Variants in HDAC5 observed in about 807,000 individuals in gnomAD.
HDAC5 encodes the protein antigen NY-CO-9.
Under a neutral mutation model 133.3 loss-of-function variants are expected in HDAC5, and 25 were observed. The ratio of observed to expected loss-of-function variants is 0.19; its 90% CI spans 0.14 to 0.26. The LOEUF (loss-of-function observed/expected upper bound fraction) is 0.26, where lower values mean the gene tolerates loss of function less well. Among genes scored for constraint, HDAC5 ranks in the 10% least tolerant of loss-of-function variants. The pLI, the probability that HDAC5 is intolerant of heterozygous loss-of-function variation, is 1.00. For missense variants in HDAC5, 1,041 were observed against 1,460.5 expected (o/e 0.71, Z 4.68); for synonymous variants, 589 against 610.8 (o/e 0.96, Z 0.53).
chr17:44,094,858 C>T (rs530283235), intron 3 of HDAC5, among the ~76,000 whole-genome samples: 1 of 152,146 alleles, frequency 6.6e-6, no homozygotes, highest in Non-Finnish European at 1.5e-5. Context: ...GGCTGGAATG[C>T]AATGGCATGA....
intron 11 of HDAC5, among the ~76,000 whole-genome samples, chr17:44,090,780 C>T (rs1193539608): frequency 2.0e-5 from 3 of 152,034 alleles, no homozygotes; most frequent in Non-Finnish European, 4.4e-5. Context: ...AGCTCCGCCT[C>T]CCAGGTTCAC....
At position 44,080,802 on chromosome 17, in the gene HDAC5, G is replaced by T; in HGVS notation, c.2688C>A (p.Asp896Glu). Residue 896 changes from aspartate to glutamate, a missense_variant, in exon 21 of 27, where the codon GAC becomes GAA. Asp to Glu is a conservative substitution (Grantham distance 45). Transcript: ENST00000682912. ...CAGAGCCTGGAAAGAAGTTCCCGTT[G>T]TCATAGCGATGCAGAGAGATGTAGA... is the stretch of plus-strand genomic sequence containing the variant. ...SVLYISLHRY[D>E]NGNFFPGSGA... The T allele has an allele frequency of 6.2e-7, 1 of 1,614,234 alleles. No individual in the cohort carries two copies. Among genetic ancestry groups the T allele is most frequent in the Non-Finnish European group, 8.5e-7 (1 of 1,180,034 alleles).
intron 3 of HDAC5, among the ~76,000 whole-genome samples, chr17:44,096,432 G>A (rs535652418): frequency 2.0e-5 from 3 of 149,088 alleles, no homozygotes; most frequent in South Asian, 4.2e-4. Context: ...TAAGAGGCGA[G>A]AGAGGGAAAA....
chr17:44,084,118 G>A (rs1380989444), intron 16 of HDAC5, among the ~76,000 whole-genome samples: 2 of 149,452 alleles, frequency 1.3e-5, no homozygotes, highest in African/African-American at 5.0e-5. Context: ...GAGCAAGACT[G>A]TCTCAAAAAA....
At chr17:44,103,209 G>A (rs943343973) in intron 3 of HDAC5, among the ~76,000 whole-genome samples, 5 of 152,120 alleles carry the variant, frequency 3.3e-5, no homozygotes, top group African/African-American at 9.7e-5. Context: ...CTGTGACACC[G>A]ATGACCCCTC....
chr17:44,084,833 T>TA lies in HDAC5; in HGVS notation c.2185-159_2185-158insT, dbSNP rs1221372199. ...GCTCTGTCATGACCTTACTCCCGGA[T>TA]CCCCCCCACTCAGCTGGGGACCATG... is the stretch of plus-strand genomic sequence containing the variant. On this transcript the variant is annotated intron_variant, in intron 15 of 26. Coordinates refer to ENST00000682912, the MANE Select transcript of HDAC5 (RefSeq NM_005474.5). Among the ~76,000 whole-genome samples, 4 of 151,322 alleles carry TA rather than the reference T, an allele frequency of 2.6e-5. No individual in the cohort carries two copies. The East Asian group carries it at 7.8e-4, about 29-fold the overall frequency.
At chr17:44,106,330 G>A (rs1003962327) in intron 3 of HDAC5, among the ~76,000 whole-genome samples, 1 of 152,164 alleles carries the variant, frequency 6.6e-6, no homozygotes, top group African/African-American at 2.4e-5. Flanking sequence ...AGTATTTACA[G>A]AAAACAAAGC....
rs2050173100 is a variant in HDAC5 at position 44,077,506 on chromosome 17, A to C, written c.*870T>G. ...GGATGGCTGGGAAAATCTGGTCCTG[A>C]CAGCAGGGGGGCTCTCACCAGCCTG... On this transcript the variant is annotated 3_prime_UTR_variant, in exon 27 of 27. Coordinates refer to ENST00000682912, the MANE Select transcript of HDAC5 (RefSeq NM_005474.5). The C allele has an allele frequency of 6.6e-6, 1 of 152,258 alleles. No individual in the cohort carries two copies. Among genetic ancestry groups the C allele is most frequent in the Non-Finnish European group, 1.5e-5 (1 of 68,102 alleles). 9.4% of individuals were successfully genotyped at this position (152,258 alleles called of 1,614,324 possible).
intron 21 of HDAC5, 43 bp downstream of exon 21, chr17:44,080,720 C>T (rs369783279): frequency 6.2e-7 from 1 of 1,613,566 alleles, no homozygotes; most frequent in Non-Finnish European, 8.5e-7. Context: ...TGCCACCTCC[C>T]AGAGGGGCCA....
At position 44,108,761 on chromosome 17, in the gene HDAC5, ACAAAAAAAAAAC is replaced by A. The variant is rs1304155028; in HGVS notation, c.94+1956_94+1967del. ...TTACATTCCAGAGTCCAAAAAAAAA[ACAAAAAAAAAAC>A]AAAAAAAAAACAAGGCTGCCGAGCT... On this transcript the variant is annotated intron_variant, in intron 3 of 26. Coordinates refer to ENST00000682912, the MANE Select transcript of HDAC5 (RefSeq NM_005474.5). Among the ~76,000 whole-genome samples the A allele has an allele frequency of 2.1e-3, 216 of 103,736 alleles. 5 individuals are homozygous for A. In the East Asian group the frequency reaches 0.057, roughly 28 times the overall value. 68.1% of individuals were successfully genotyped at this position (103,736 alleles called of 152,430 possible).
At chr17:44,078,688 G>A in intron 25 of HDAC5, 23 bp from the exon 26 acceptor site, 2 of 1,605,376 alleles carry the variant, frequency 1.2e-6, no homozygotes, top group Non-Finnish European at 1.7e-6. Context: ...GACAGGCAAG[G>A]GGTCAGGGAG....
intron 2 of HDAC5, among the ~76,000 whole-genome samples, chr17:44,116,711 T>C (rs2052669254): frequency 6.6e-6 from 1 of 152,002 alleles, no homozygotes; most frequent in Non-Finnish European, 1.5e-5. Flanking sequence ...AGGACCCTCC[T>C]GGGAAACTGC....
In HDAC5 at chr17:44,083,868, G is replaced by GAAT. The variant is rs1223942591; in HGVS notation, c.2306-17_2306-15dup. ...GGCTGATGGGGCCTGCATGGAAGAG[G>GAAT]AATAGAGCTACTCTAGAAGTGGCCT... On this transcript the variant is annotated splice_polypyrimidine_tract_variant and intron_variant, in intron 16 of 26. Coordinates refer to ENST00000682912, the MANE Select transcript of HDAC5 (RefSeq NM_005474.5). 1.2e-6 allele frequency: 2 copies of GAAT among 1,613,162 alleles called. No individual in the cohort carries two copies. The highest frequency in any genetic ancestry group is 1.7e-5 in the Admixed American group (1 of 59,988).
At chr17:44,084,781 C>A in intron 15 of HDAC5, 106 bp from the exon 16 acceptor site, 2 of 1,435,502 alleles carry the variant, frequency 1.4e-6, no homozygotes, top group South Asian at 1.3e-5. Context: ...CTCAGGAGAT[C>A]CAAATATTTT....
intron 1 of HDAC5, among the ~76,000 whole-genome samples, chr17:44,122,140 C>CTG (rs978491403): frequency 2.6e-5 from 4 of 152,094 alleles, no homozygotes; most frequent in African/African-American, 9.7e-5. Context: ...GCTCATCCAC[C>CTG]ATCCAGCCCA....
chr17:44,086,594 G>A lies in HDAC5; in HGVS notation c.2028C>T (p.Pro676=), dbSNP rs753287081. 9 of 1,304,274 alleles carry A rather than the reference G, an allele frequency of 6.9e-6. No homozygotes were observed. In the Admixed American group the frequency reaches 9.5e-5, roughly 14 times the overall value. The allele number at this position is 1,304,274 out of a possible 1,614,324, so 80.8% of individuals were successfully genotyped here. ...CACCTGTGGTGAAGAGGTGCTTGAC[G>A]GGCTGGTCTGGGGGGCTCTTCATGC... The part of the protein sequence containing the change: ...PGGMKSPPDQ[P]VKHLFTTGVV... Residue 676 remains proline, a synonymous_variant, in exon 14 of 27, where the codon CCC becomes CCT. Coordinates refer to ENST00000682912, the MANE Select transcript of HDAC5 (RefSeq NM_005474.5).
In HDAC5 at chr17:44,108,075, A is replaced by G. The variant is rs76415180; in HGVS notation, c.94+2654T>C. 1.6e-3 allele frequency among the ~76,000 whole-genome samples: 243 copies of G among 152,310 alleles called. 5 individuals are homozygous for G. In the East Asian group the frequency reaches 0.035, roughly 22 times the overall value. On this transcript the variant is annotated intron_variant, in intron 3 of 26. Transcript: ENST00000682912. ...CCCAAGCCAGAACTAAGCTGGGATG[A>G]TGGTGGTGCCCACTGTGCACTGGGG...
rs113718592 is a variant in HDAC5 at position 44,086,000 on chromosome 17, T to C, written c.2050+572A>G. ...TCCTGAAATTCCTTTGCTCCATTAT[T>C]GCCTATCAGAAGCTTCCCTGCTCCT... On this transcript the variant is annotated intron_variant, in intron 14 of 26. Transcript: ENST00000682912. 2.2e-3 allele frequency among the ~76,000 whole-genome samples: 329 copies of C among 152,254 alleles called. 1 individual carries two copies. Among genetic ancestry groups the C allele is most frequent in the African/African-American group, 7.5e-3 (310 of 41,570 alleles).
chr17:44,096,320 C>A (rs2143346279), intron 3 of HDAC5, among the ~76,000 whole-genome samples: 1 of 152,158 alleles, frequency 6.6e-6, no homozygotes, highest in South Asian at 2.1e-4. Flanking sequence ...CAAAGTGGCC[C>A]ACTCCAGCCC....
Sources: gnomAD v4.1 joint callset for allele counts (sites outside exome capture counted in the v4.1 genomes callset) on GRCh38, gnomAD v4.1.1 for gene constraint, MANE v1.5 for transcripts, NCBI Gene and HGNC (gene_info 2026-07-23, HGNC 2026-07-21) for gene names.